Variants in SLC45A4 observed in about 807,000 individuals in gnomAD.
SLC45A4 encodes polyamine-transporter SLC45A4.
A neutral mutation model predicts 63.7 loss-of-function variants in SLC45A4; 32 were observed. The ratio of observed to expected loss-of-function variants is 0.50; its 90% CI spans 0.38 to 0.67. The LOEUF is 0.67. Among genes scored for constraint, SLC45A4 ranks in the 30% least tolerant of loss-of-function variants. The probability of loss-of-function intolerance (pLI) is 0.00; values close to 1 mark genes in which losing one functional copy is unlikely to be tolerated. For missense variants in SLC45A4, 1,027 were observed against 1,157.7 expected (o/e 0.89, Z 1.64); for synonymous variants, 535 against 510.0 (o/e 1.05, Z -0.66).
At position 141,286,739 on chromosome 8, in the gene SLC45A4, C is replaced by T. The variant is rs181086546; in HGVS notation, c.-401+21357G>A. On this transcript the variant is annotated intron_variant, in intron 1 of 8. Coordinates refer to ENST00000517878, the MANE Select transcript of SLC45A4 (RefSeq NM_001286646.2). ...TCGCTTATCAGCAGCAGCCCCCCCG[C>T]CCCCCCGCTCCCCACCACCGACCCC... 8.8e-4 allele frequency among the ~76,000 whole-genome samples: 121 copies of T among 136,862 alleles called. 2 individuals are homozygous for T. In the East Asian group the frequency reaches 0.024, roughly 27 times the overall value. 89.8% of individuals were successfully genotyped at this position (136,862 alleles called of 152,430 possible). A position where few individuals can be genotyped will look rare whatever the true frequency, so the allele number is the denominator to read the frequency against.
chr8:141,232,129 A>G (rs78091660), intron 2 of SLC45A4, among the ~76,000 whole-genome samples: 3,488 of 152,266 alleles, frequency 0.023, 151 homozygotes, highest in African/African-American at 0.08. Context: ...TGAGCCTCCA[A>G]TGGATTATAT....
chr8:141,215,917 C>T lies in SLC45A4; in HGVS notation c.1783G>A (p.Val595Met), dbSNP rs1452150224. The change falls in exon 7 of 9, where the codon GTG becomes ATG. Residue 595 changes from valine (V) to methionine (M), a missense_variant. Physicochemically the swap from Val to Met is conservative, Grantham distance 21. Transcript: ENST00000517878. The surrounding 1 kb of genome is among the most constrained non-coding windows in gnomAD (Gnocchi z 4.3). ...ACAGAGAAGCCCAGCGTCCCCAGCA[C>T]GTAGATCACCCTGACGCTCAGGTCG... ...NYDLSVRVIY[V>M]LGTLGFSVGT... 3.7e-6 allele frequency: 6 copies of T among 1,614,092 alleles called. No individual in the cohort carries two copies. Among genetic ancestry groups the T allele is most frequent in the East Asian group, 2.2e-5 (1 of 44,888 alleles).
chr8:141,251,256 T>C (rs34522929), intron 2 of SLC45A4, among the ~76,000 whole-genome samples: 44,404 of 151,936 alleles, frequency 0.29, 7,047 homozygotes, highest in Non-Finnish European at 0.36. Flanking sequence ...GCTACCCAAC[T>C]TCCCCCTGGC....
intron 1 of SLC45A4, among the ~76,000 whole-genome samples, chr8:141,281,596 T>C (rs916495496): frequency 1.3e-4 from 20 of 152,228 alleles, no homozygotes; most frequent in African/African-American, 4.1e-4. Context: ...CTTTCTGAAA[T>C]GGCCTTAGGA....
intron 1 of SLC45A4, among the ~76,000 whole-genome samples, chr8:141,263,764 C>A (rs866824914): frequency 8.9e-6 from 1 of 112,220 alleles, no homozygotes; most frequent in African/African-American, 3.9e-5. Flanking sequence ...AGCAAGACTC[C>A]GTCTCAAAAA....
intron 3 of SLC45A4, among the ~76,000 whole-genome samples, chr8:141,221,348 T>G (rs369281590): frequency 9.8e-5 from 15 of 152,358 alleles, no homozygotes; most frequent in African/African-American, 3.6e-4. Context: ...AAACAAACCA[T>G]CACAACAGGA....
intron 2 of SLC45A4, chr8:141,224,323 G>A (rs1435980045): frequency 6.6e-6 from 1 of 152,130 alleles, no homozygotes; most frequent in Non-Finnish European, 1.5e-5. Context: ...GCCTAGACAG[G>A]GATTTCTGGA....
chr8:141,306,646 CTTA>C (rs1297035855), intron 1 of SLC45A4, among the ~76,000 whole-genome samples: 1 of 152,186 alleles, frequency 6.6e-6, no homozygotes, highest in Non-Finnish European at 1.5e-5. Flanking sequence ...TTTTTGTTTT[CTTA>C]TTTTTTCCTA....
chr8:141,220,236 A>G (rs1826521637), intron 3 of SLC45A4, among the ~76,000 whole-genome samples: 1 of 152,182 alleles, frequency 6.6e-6, no homozygotes, highest in Non-Finnish European at 1.5e-5. Flanking sequence ...CGCTCATGCC[A>G]CAGACAACCC....
Position 141,212,534 on chromosome 8 carries a change from T to C in SLC45A4, c.1964A>G (p.Asn655Ser). ...IKQYIHHSPG[N>S]SKRGFGIDCA... ...ATCTATGCCAAACCCTCGCTTGGAG[T>C]TCCCGGGGCTGTGGTGGATGTACTG... Residue 655 changes from asparagine to serine, a missense_variant, in exon 8 of 9, where the codon AAC (asparagine) becomes AGC (serine). Transcript: ENST00000517878. 1 of 1,607,152 alleles carries C rather than the reference T, an allele frequency of 6.2e-7. No homozygotes were observed. Among genetic ancestry groups the C allele is most frequent in the Non-Finnish European group, 8.5e-7 (1 of 1,176,086 alleles).
intron 1 of SLC45A4, among the ~76,000 whole-genome samples, chr8:141,290,115 C>A (rs1375539098): frequency 6.6e-6 from 1 of 152,066 alleles, no homozygotes; most frequent in Non-Finnish European, 1.5e-5. Context: ...TATACATGTC[C>A]ATATATAATA....
rs1052017595 is a variant in SLC45A4 at position 141,256,776 on chromosome 8, A to G, written c.-400-2147T>C. 5.5e-6 allele frequency: 2 copies of G among 362,342 alleles called. No homozygotes were observed. The highest frequency in any genetic ancestry group is 7.5e-5 in the East Asian group (1 of 13,284). The allele number at this position is 362,342 out of a possible 1,614,324, so 22.4% of individuals were successfully genotyped here. ...CTTTCAAGTTTTCCAAATGTCCTCTACCGTAGAAACATCTCAATTAAAACA... is the reference window on the plus strand; with the variant it reads ...CTTTCAAGTTTTCCAAATGTCCTCTGCCGTAGAAACATCTCAATTAAAACA... On this transcript the variant is annotated intron_variant, in intron 1 of 8. Coordinates refer to ENST00000517878, the MANE Select transcript of SLC45A4 (RefSeq NM_001286646.2). The surrounding 1 kb of genome is among the most constrained non-coding windows in gnomAD (Gnocchi z 4.3).
chr8:141,265,419 C>G (rs748190241), intron 1 of SLC45A4, among the ~76,000 whole-genome samples: 2 of 152,196 alleles, frequency 1.3e-5, no homozygotes, highest in Non-Finnish European at 2.9e-5. Context: ...CAGCGCGGGG[C>G]GTGTTCTCAC....
chr8:141,263,549 C>T lies in SLC45A4; in HGVS notation c.-400-8920G>A, dbSNP rs1300499155. On this transcript the variant is annotated intron_variant, in intron 1 of 8. Coordinates refer to ENST00000517878, the MANE Select transcript of SLC45A4 (RefSeq NM_001286646.2). ...TTGGGAGGCCGAGGCGGGTAGATCA[C>T]GACGTCAGATCAAGACCATCCTGGT... Among the ~76,000 whole-genome samples, 5 of 151,464 alleles carry T rather than the reference C, an allele frequency of 3.3e-5. No homozygotes were observed. The East Asian group carries it at 5.8e-4, about 18-fold the overall frequency.
At chr8:141,287,682 T>G (rs1268785083) in intron 1 of SLC45A4, among the ~76,000 whole-genome samples, 1 of 152,244 alleles carries the variant, frequency 6.6e-6, no homozygotes, top group African/African-American at 2.4e-5. Context: ...GAAAAGTGCC[T>G]CCTTTCACCT....
intron 1 of SLC45A4, among the ~76,000 whole-genome samples, chr8:141,305,479 A>G (rs1375206930): frequency 6.6e-6 from 1 of 152,346 alleles, no homozygotes; most frequent in East Asian, 1.9e-4. Context: ...GGAACCTAGG[A>G]GGCCAGCGAG....
intron 2 of SLC45A4, among the ~76,000 whole-genome samples, chr8:141,237,812 T>A (rs1046528706): frequency 3.9e-5 from 6 of 152,168 alleles, no homozygotes; most frequent in Non-Finnish European, 7.4e-5. Flanking sequence ...GGCCTCAGGC[T>A]GCCCGTTTCA....
At chr8:141,231,454 C>T (rs1589790401) in intron 2 of SLC45A4, among the ~76,000 whole-genome samples, 1 of 152,350 alleles carries the variant, frequency 6.6e-6, no homozygotes, top group African/African-American at 2.4e-5. Flanking sequence ...GCTTGGATCA[C>T]AAGGTCACCA....
Position 141,227,748 on chromosome 8 carries a change from T to C in SLC45A4, c.242-5983A>G, listed in dbSNP as rs945034317. 6.6e-6 allele frequency among the ~76,000 whole-genome samples: 1 copy of C among 152,008 alleles called. No individual in the cohort carries two copies. Among genetic ancestry groups the C allele is most frequent in the Admixed American group, 6.5e-5 (1 of 15,286 alleles). Reference sequence around the variant, plus strand: ...CAGAACCACTACAGCCACAGGAAGATAGGGAGGGGGTGAAAAGAGGGGCAA... The same window carrying C: ...CAGAACCACTACAGCCACAGGAAGACAGGGAGGGGGTGAAAAGAGGGGCAA... On this transcript the variant is annotated intron_variant, in intron 2 of 8. Coordinates refer to ENST00000517878, the MANE Select transcript of SLC45A4 (RefSeq NM_001286646.2). This position sits in a 1 kb window ranked among gnomAD's most constrained non-coding sequence, Gnocchi z 4.4.
Sources: allele counts gnomAD v4.1 joint callset (sites outside exome capture counted in the v4.1 genomes callset), GRCh38; gene constraint gnomAD v4.1.1; non-coding constraint Gnocchi (gnomAD v3.1); transcripts MANE v1.5; gene names NCBI Gene and HGNC (gene_info 2026-07-23, HGNC 2026-07-21).